The following C2CD2 variants were observed in gnomAD, a reference collection of about 807,000 sequenced individuals.
The protein encoded by C2CD2 is C2 domain-containing protein 2.
Under a neutral mutation model 74.3 loss-of-function variants are expected in C2CD2, and 43 were observed. That is an observed-to-expected ratio of 0.58 (90% confidence interval 0.45 to 0.75). The LOEUF is 0.75. Ranked by LOEUF, C2CD2 falls within the 30% of genes least tolerant of loss-of-function variation. The pLI, the probability that C2CD2 is intolerant of heterozygous loss-of-function variation, is 0.00. For missense variants in C2CD2, 801 were observed against 916.3 expected, an observed-to-expected ratio of 0.87 and a Z score of 1.63; for synonymous variants, 422 against 390.7, an observed-to-expected ratio of 1.08 and a Z score of -0.94.
chr21:41,927,207 C>A (rs1281823579), intron 2 of C2CD2, among the ~76,000 whole-genome samples: 2 of 152,202 alleles, frequency 1.3e-5, no homozygotes, highest in Non-Finnish European at 2.9e-5. Context: ...ACTCTGTCCC[C>A]TAAGCTGAAG....
intron 13 of C2CD2, among the ~76,000 whole-genome samples, chr21:41,898,136 C>T (rs2146142248): frequency 6.6e-6 from 1 of 152,358 alleles, no homozygotes; most frequent in Non-Finnish European, 1.5e-5. Flanking sequence ...GGTCTCAGGA[C>T]ATCCTGAGAT....
At chr21:41,890,284 T>C (rs990667352) in intron 13 of C2CD2, among the ~76,000 whole-genome samples, 4 of 152,264 alleles carry the variant, frequency 2.6e-5, no homozygotes, top group African/African-American at 9.6e-5. Context: ...TGTGGTTCGA[T>C]GTATCTGCTT....
rs904874683 is a variant in C2CD2 at position 41,912,468 on chromosome 21, T to C, written c.845-28A>G. On this transcript the variant is annotated intron_variant, in intron 6 of 13. Transcript: ENST00000380486. Reference sequence around the variant, plus strand: ...GTAATTAAATAGAAGGGCATCGTGTTGGCGTTTATTTTTATTATTTATTTA... The same window carrying C: ...GTAATTAAATAGAAGGGCATCGTGTCGGCGTTTATTTTTATTATTTATTTA... 2.4e-6 allele frequency: 3 copies of C among 1,235,412 alleles called. No homozygotes were observed. The South Asian group carries it at 5.5e-5, about 23-fold the overall frequency. The allele number at this position is 1,235,412 out of a possible 1,614,324, so 76.5% of individuals were successfully genotyped here.
intron 3 of C2CD2, 168 bp from the exon 4 acceptor site, chr21:41,919,128 G>T (rs1212493339): frequency 1.6e-6 from 1 of 623,050 alleles, no homozygotes; most frequent in Non-Finnish European, 2.9e-6. Context: ...GCGCATGTGT[G>T]CATATGAGCA....
rs1051888467 is a variant in C2CD2, at chr21:41,895,883, A to T, written c.1870+3170T>A. On this transcript the variant is annotated intron_variant, in intron 13 of 13. Coordinates refer to ENST00000380486, the MANE Select transcript of C2CD2 (RefSeq NM_015500.2). The surrounding 1 kb of genome is among the most constrained non-coding windows in gnomAD (Gnocchi z 5.0). ...TTCCCAAGAACAGCATCGGATTTCA[A>T]CTGGAACCACAGATGGTCCGTTGAT... 6.6e-6 allele frequency among the ~76,000 whole-genome samples: 1 copy of T among 152,246 alleles called. No individual in the cohort carries two copies. The highest frequency in any genetic ancestry group is 1.5e-5 in the Non-Finnish European group (1 of 68,036).
At chr21:41,907,870 G>A (rs1041302285) in intron 8 of C2CD2, 86 bp from the exon 9 acceptor site, 120 of 1,419,412 alleles carry the variant, frequency 8.5e-5, no homozygotes, top group South Asian at 2.7e-4. Context: ...CCCAGCAGCC[G>A]GAACACGCTC....
rs1370401337 is a variant in C2CD2 at position 41,892,054 on chromosome 21, A to T, written c.1871-2710T>A. On this transcript the variant is annotated intron_variant, in intron 13 of 13. Coordinates refer to ENST00000380486, the MANE Select transcript of C2CD2 (RefSeq NM_015500.2). The surrounding 1 kb of genome is among the most constrained non-coding windows in gnomAD (Gnocchi z 4.6). ...TCACAGAATGTGACCTTATTTGGAG[A>T]TGGGGTCCTTGCAGAAGTCATCAAC... Among the ~76,000 whole-genome samples the T allele has an allele frequency of 6.7e-6, 1 of 150,244 alleles. No homozygotes were observed. The highest frequency in any genetic ancestry group is 1.5e-5 in the Non-Finnish European group (1 of 67,832).
chr21:41,901,857 T>C (rs1340468442), intron 11 of C2CD2, 108 bp from the exon 12 acceptor site: 19 of 997,446 alleles, frequency 1.9e-5, no homozygotes, highest in African/African-American at 1.1e-4. Flanking sequence ...GCAGATATTT[T>C]CTAAAAGGGG....
At position 41,912,327 on chromosome 21, in the gene C2CD2, C is replaced by T. The variant is rs1363925621; in HGVS notation, c.953+5G>A. 2 of 1,597,068 alleles carry T rather than the reference C, an allele frequency of 1.3e-6. No homozygotes were observed. Among genetic ancestry groups the T allele is most frequent in the Non-Finnish European group, 1.7e-6 (2 of 1,167,190 alleles). On this transcript the variant is annotated splice_donor_5th_base_variant and intron_variant, in intron 7 of 13. Transcript: ENST00000380486. ...CACACAGGCCCATAACCCGGCCAGACTCACAAGGTGAATTCCTCTTCCCAC... is the reference window on the plus strand; with the variant it reads ...CACACAGGCCCATAACCCGGCCAGATTCACAAGGTGAATTCCTCTTCCCAC...
chr21:41,944,968 A>G (rs2065386740), intron 1 of C2CD2, among the ~76,000 whole-genome samples: 2 of 152,232 alleles, frequency 1.3e-5, no homozygotes, highest in African/African-American at 4.8e-5. Flanking sequence ...ACTGAAGGGG[A>G]TGGGAAAAAC....
intron 2 of C2CD2, among the ~76,000 whole-genome samples, chr21:41,934,026 G>A (rs1235700964): frequency 1.5e-4 from 23 of 152,114 alleles, no homozygotes; most frequent in African/African-American, 2.4e-5. Flanking sequence ...CCAGCAGGCG[G>A]CAGCAGGAGA....
chr21:41,944,284 G>A (rs1601604156), intron 1 of C2CD2, among the ~76,000 whole-genome samples: 2 of 152,016 alleles, frequency 1.3e-5, no homozygotes, highest in South Asian at 2.1e-4. Flanking sequence ...AGGCCGAGGC[G>A]GACGGATCAC....
At position 41,939,852 on chromosome 21, in the gene C2CD2, C is replaced by T. The variant is rs879690765; in HGVS notation, c.378+2295G>A. On this transcript the variant is annotated intron_variant, in intron 2 of 13. Coordinates refer to ENST00000380486, the MANE Select transcript of C2CD2 (RefSeq NM_015500.2). This position sits in a 1 kb window ranked among gnomAD's most constrained non-coding sequence, Gnocchi z 5.5. ...GAATACTTGGTCAAGCTGAAGTATGCACACCAGTGACCCGCCAGGCTCATG... is the reference window on the plus strand; with the variant it reads ...GAATACTTGGTCAAGCTGAAGTATGTACACCAGTGACCCGCCAGGCTCATG... Among the ~76,000 whole-genome samples the T allele has an allele frequency of 4.6e-5, 7 of 152,214 alleles. No individual in the cohort carries two copies. The highest frequency in any genetic ancestry group is 2.1e-4 in the South Asian group (1 of 4,828).
intron 13 of C2CD2, among the ~76,000 whole-genome samples, chr21:41,893,544 T>C (rs2064782445): frequency 6.6e-6 from 1 of 151,956 alleles, no homozygotes; most frequent in African/African-American, 2.4e-5. Flanking sequence ...GTCCATACCC[T>C]GAGGGACTAA....
Position 41,947,112 on chromosome 21 carries a change from T to TTCTCTCTCTCTCTCTCTCTCTCTC in C2CD2, c.280-4891_280-4868dup, listed in dbSNP as rs147753254. ...TTTCTTTCTTTCTTTCCTTTCTCTT[T>TTCTCTCTCTCTCTCTCTCTCTCTC]TCTCTCTCTCTCTCTCTCTCTCTCT... On this transcript the variant is annotated intron_variant, in intron 1 of 13. Coordinates refer to ENST00000380486, the MANE Select transcript of C2CD2 (RefSeq NM_015500.2). Among the ~76,000 whole-genome samples, 179 of 26,186 alleles carry TTCTCTCTCTCTCTCTCTCTCTCTC rather than the reference T, an allele frequency of 6.8e-3. 34 individuals are homozygous for TTCTCTCTCTCTCTCTCTCTCTCTC. The highest frequency in any genetic ancestry group is 9.1e-3 in the African/African-American group (53 of 5,798). 17.2% of individuals were successfully genotyped at this position (26,186 alleles called of 152,430 possible).
rs1028239255 is a variant in C2CD2 at position 41,895,757 on chromosome 21, C to CTG, written c.1870+3295_1870+3296insCA. 2.0e-5 allele frequency among the ~76,000 whole-genome samples: 3 copies of CTG among 152,132 alleles called. No homozygotes were observed. Among genetic ancestry groups the CTG allele is most frequent in the African/African-American group, 2.4e-5 (1 of 41,426 alleles). On this transcript the variant is annotated intron_variant, in intron 13 of 13. Transcript: ENST00000380486. This position sits in a 1 kb window ranked among gnomAD's most constrained non-coding sequence, Gnocchi z 5.0. ...TTTCCAAATGTATTCCTATTTGTCT[C>CTG]TACAGAGTCTAACAGACATAAATAG... is the stretch of plus-strand genomic sequence containing the variant.
chr21:41,901,202 T>C (rs1390666373), intron 12 of C2CD2: 5 of 291,858 alleles, frequency 1.7e-5, no homozygotes, highest in African/African-American at 1.1e-4. Context: ...CATTTCTCTC[T>C]GATTACAAAA....
At chr21:41,914,955 T>C (rs1411250716) in intron 5 of C2CD2, among the ~76,000 whole-genome samples, 1 of 152,120 alleles carries the variant, frequency 6.6e-6, no homozygotes, top group Non-Finnish European at 1.5e-5. Context: ...CTACCCCAAA[T>C]ACAGCAAGTA....
In C2CD2 at chr21:41,889,317, A is replaced by C. The variant is rs1415356172; in HGVS notation, c.1898T>G (p.Leu633Arg). 1.2e-6 allele frequency: 2 copies of C among 1,613,992 alleles called. No homozygotes were observed. Among genetic ancestry groups the C allele is most frequent in the Non-Finnish European group, 1.7e-6 (2 of 1,179,948 alleles). ...KGGILRKGAK[L>R]FFRRRHQQKD... Reference sequence around the variant, plus strand: ...CTGTTGATGCCGCCGGCGGAAGAACAGCTTTGCACCTTTCCTTAGAATTCC... The same window carrying C: ...CTGTTGATGCCGCCGGCGGAAGAACCGCTTTGCACCTTTCCTTAGAATTCC... Residue 633 changes from leucine to arginine, a missense_variant, in exon 14 of 14, where the codon CTG becomes CGG. Leu to Arg is a moderately radical substitution (Grantham distance 102, BLOSUM62 -2). Transcript: ENST00000380486.
Sources: gnomAD v4.1 joint callset for allele counts (sites outside exome capture counted in the v4.1 genomes callset) on GRCh38, gnomAD v4.1.1 for gene constraint, Gnocchi (gnomAD v3.1) non-coding constraint, MANE v1.5 for transcripts, NCBI Gene and HGNC (gene_info 2026-07-23, HGNC 2026-07-21) for gene names.